The following SLC25A24 variants were observed in gnomAD, a reference collection of about 807,000 sequenced individuals.
SLC25A24 encodes solute carrier family 25 member 24.
A neutral mutation model predicts 60.7 loss-of-function variants in SLC25A24; 49 were observed. The ratio of observed to expected loss-of-function variants is 0.81; its 90% CI spans 0.64 to 1.02. The LOEUF is 1.02. Ranked by LOEUF, SLC25A24 falls within the 50% of genes least tolerant of loss-of-function variation. SLC25A24 has a pLI of 0.00. For synonymous variants in SLC25A24, 202 were observed against 200.6 expected, an observed-to-expected ratio of 1.01 and a Z score of -0.06; for missense variants, 564 against 586.3, an observed-to-expected ratio of 0.96 and a Z score of 0.39.
At chr1:108,172,842 G>A (rs1647508113) in intron 3 of SLC25A24, among the ~76,000 whole-genome samples, 2 of 151,968 alleles carry the variant, frequency 1.3e-5, no homozygotes, top group Admixed American at 6.6e-5. Flanking sequence ...TATAACTACA[G>A]GAAACTCTGG....
chr1:108,166,923 T>C (rs1680272238), intron 3 of SLC25A24, among the ~76,000 whole-genome samples: 1 of 151,520 alleles, frequency 6.6e-6, no homozygotes, highest in African/African-American at 2.4e-5. Flanking sequence ...TTTGTGGTTT[T>C]ATCTACTTTT....
At position 108,136,600 on chromosome 1, in the gene SLC25A24, C is replaced by T; in HGVS notation, c.*53G>A. On this transcript the variant is annotated 3_prime_UTR_variant, in exon 10 of 10. Coordinates refer to ENST00000565488, the MANE Select transcript of SLC25A24 (RefSeq NM_013386.5). ...GTTTCAATTCGAGGAGAAAAAGTCA[C>T]TCCAGAGATTGTTGAAAGTTTCAAT... 6.7e-7 allele frequency: 1 copy of T among 1,492,540 alleles called. No individual in the cohort carries two copies. Among genetic ancestry groups the T allele is most frequent in the African/African-American group, 1.4e-5 (1 of 72,126 alleles). The allele number at this position is 1,492,540 out of a possible 1,614,324, so 92.5% of individuals were successfully genotyped here. A position where few individuals can be genotyped will look rare whatever the true frequency, so the allele number is the denominator to read the frequency against.
chr1:108,181,248 C>G (rs1647920654), intron 3 of SLC25A24, among the ~76,000 whole-genome samples: 1 of 152,110 alleles, frequency 6.6e-6, no homozygotes, highest in Admixed American at 6.6e-5. Context: ...GATTTTTAGA[C>G]AATGTGAGGA....
In SLC25A24 at chr1:108,136,793, G is replaced by C. The variant is rs376157270; in HGVS notation, c.1294C>G (p.Arg432Gly). The C allele has an allele frequency of 1.4e-5, 22 of 1,614,054 alleles. No individual in the cohort carries two copies. Among genetic ancestry groups the C allele is most frequent in the Non-Finnish European group, 1.9e-5 (22 of 1,179,980 alleles). Reference protein sequence around the residue: ...SPQLNMVGLFRRIISKEGIPG... With the variant: ...SPQLNMVGLFGRIISKEGIPG... ...ATTCCTTCTTTGGAAATAATTCGTC[G>C]AAAGAGGCCAACCATATTCAGCTGT... The change falls in exon 10 of 10, where the codon CGA becomes GGA. Residue 432 changes from arginine (R) to glycine (G), a missense_variant. Arg to Gly is a moderately radical substitution (Grantham distance 125). Transcript: ENST00000565488.
chr1:108,186,738 G>A (rs1366527267), intron 1 of SLC25A24, among the ~76,000 whole-genome samples: 1 of 151,998 alleles, frequency 6.6e-6, no homozygotes, highest in Non-Finnish European at 1.5e-5. Context: ...CCCACTCAAA[G>A]CTTACAAATT....
At position 108,136,615 on chromosome 1, in the gene SLC25A24, A is replaced by C; in HGVS notation, c.*38T>G. On this transcript the variant is annotated 3_prime_UTR_variant, in exon 10 of 10. Transcript: ENST00000565488. The stretch of plus-strand genomic sequence containing the variant: ...GAAAAAGTCACTCCAGAGATTGTTG[A>C]AAGTTTCAATTATCAGGCTAAAGCA... 1.2e-5 allele frequency: 18 copies of C among 1,558,248 alleles called. No individual in the cohort carries two copies. The highest frequency in any genetic ancestry group is 1.5e-5 in the Non-Finnish European group (17 of 1,134,350).
chr1:108,166,854 G>A (rs1020343653), intron 3 of SLC25A24, among the ~76,000 whole-genome samples: 4 of 152,192 alleles, frequency 2.6e-5, no homozygotes, highest in Non-Finnish European at 5.9e-5. Context: ...TCCTTTGGAG[G>A]AGGAGAGGCA....
At chr1:108,147,786 G>C (rs534837105) in intron 7 of SLC25A24, among the ~76,000 whole-genome samples, 2 of 152,026 alleles carry the variant, frequency 1.3e-5, no homozygotes, top group Admixed American at 6.6e-5. Flanking sequence ...ATTTGTCTCC[G>C]GTTATTAACA....
At chr1:108,179,583 A>G (rs534081056) in intron 3 of SLC25A24, among the ~76,000 whole-genome samples, 1 of 152,318 alleles carries the variant, frequency 6.6e-6, no homozygotes, top group Non-Finnish European at 1.5e-5. Context: ...CGGCCATTAA[A>G]AAAAGAAGGA....
At chr1:108,199,826 A>G (rs1648603826) in intron 1 of SLC25A24, 130 bp downstream of exon 1, 4 of 713,854 alleles carry the variant, frequency 5.6e-6, no homozygotes, top group Admixed American at 3.0e-5. Context: ...AAGCCACCGG[A>G]GCGCTGGGCG....
Position 108,185,835 on chromosome 1 carries a change from A to G in SLC25A24, c.303T>C (p.Asn101=), listed in dbSNP as rs1648106308. ...MKLAFKSLDK[N]NDGKIEASEI... ...TACAAAAGAAAGACACACCATCATT[A>G]TTTTTGTCTAAACTCTTAAATGCCA... Residue 101 remains asparagine, a synonymous_variant, in exon 2 of 10, where the codon AAT becomes AAC. Transcript: ENST00000565488. 2 of 1,585,306 alleles carry G rather than the reference A, an allele frequency of 1.3e-6. No individual in the cohort carries two copies. The highest frequency in any genetic ancestry group is 4.5e-5 in the East Asian group (2 of 44,380).
intron 3 of SLC25A24, among the ~76,000 whole-genome samples, chr1:108,178,077 C>T (rs1439967675): frequency 2.0e-5 from 3 of 151,960 alleles, no homozygotes; most frequent in African/African-American, 4.8e-5. Context: ...GCAGGAGAAT[C>T]GCTTGAACCG....
chr1:108,135,270 T>C lies in SLC25A24; in HGVS notation c.*1383A>G, dbSNP rs1348673852. On this transcript the variant is annotated 3_prime_UTR_variant, in exon 10 of 10. Transcript: ENST00000565488. ...TTTCACAAACACCAGTCCATCTTTCTCTTTGGTTCAGAAAATAAAAGAGGT... is the reference window on the plus strand; with the variant it reads ...TTTCACAAACACCAGTCCATCTTTCCCTTTGGTTCAGAAAATAAAAGAGGT... The C allele has an allele frequency of 1.3e-5, 2 of 152,580 alleles. No individual in the cohort carries two copies. Among genetic ancestry groups the C allele is most frequent in the Non-Finnish European group, 2.9e-5 (2 of 67,982 alleles). 9.5% of individuals were successfully genotyped at this position (152,580 alleles called of 1,614,324 possible).
chr1:108,135,746 A>T lies in SLC25A24; in HGVS notation c.*907T>A, dbSNP rs1679264911. ...GGAGAAATAAGCACATCATTTGCTC[A>T]TGATCAATCCACTTCATGCAATTAA... On this transcript the variant is annotated 3_prime_UTR_variant, in exon 10 of 10. Coordinates refer to ENST00000565488, the MANE Select transcript of SLC25A24 (RefSeq NM_013386.5). 6.6e-6 allele frequency: 1 copy of T among 152,670 alleles called. No homozygotes were observed. Among genetic ancestry groups the T allele is most frequent in the South Asian group, 2.1e-4 (1 of 4,832 alleles). 9.5% of individuals were successfully genotyped at this position (152,670 alleles called of 1,614,324 possible).
chr1:108,157,350 G>C (rs1451562807), intron 5 of SLC25A24, 112 bp downstream of exon 5: 8 of 1,114,838 alleles, frequency 7.2e-6, no homozygotes, highest in Non-Finnish European at 1.0e-5. Context: ...TTATTTTTTA[G>C]GGTATAAAAG....
At chr1:108,170,485 G>A (rs544430915) in intron 3 of SLC25A24, among the ~76,000 whole-genome samples, 164 of 152,116 alleles carry the variant, frequency 1.1e-3, no homozygotes, top group African/African-American at 3.8e-3. Context: ...TCAAGCTTAT[G>A]TATTTAGAAG....
intron 1 of SLC25A24, 68 bp downstream of exon 1, chr1:108,199,888 G>T (rs1435449329): frequency 1.4e-5 from 17 of 1,252,418 alleles, no homozygotes; most frequent in Non-Finnish European, 1.9e-5. Flanking sequence ...CGCCCTCCTC[G>T]GTCCTCGCAG....
At chr1:108,140,391 A>C (rs1679412191) in intron 8 of SLC25A24, among the ~76,000 whole-genome samples, 1 of 152,190 alleles carries the variant, frequency 6.6e-6, no homozygotes, top group Admixed American at 6.5e-5. Flanking sequence ...CCCTACAAGA[A>C]AGGCTAAAAG....
chr1:108,159,489 A>C (rs1679995768), intron 4 of SLC25A24, among the ~76,000 whole-genome samples: 2 of 110,620 alleles, frequency 1.8e-5, no homozygotes, highest in Admixed American at 9.8e-5. Flanking sequence ...TTTTTAATTG[A>C]TCATTCTTGG....
Sources: gnomAD v4.1 joint callset for allele counts (sites outside exome capture counted in the v4.1 genomes callset) on GRCh38, gnomAD v4.1.1 for gene constraint, MANE v1.5 for transcripts, NCBI Gene and HGNC (gene_info 2026-07-23, HGNC 2026-07-21) for gene names.